The following CASR variants were observed in gnomAD, a reference collection of about 807,000 sequenced individuals.
CASR encodes calcium sensing receptor.
In CASR, 23 loss-of-function variants were observed where a neutral mutation model predicts 69.1. That is an observed-to-expected ratio of 0.33 (90% CI 0.24 to 0.47). The LOEUF (loss-of-function observed/expected upper bound fraction) is 0.47, where lower values mean the gene tolerates loss of function less well. Among genes scored for constraint, CASR ranks in the 20% least tolerant of loss-of-function variants. CASR has a pLI of 1.00. For synonymous variants in CASR, 541 were observed against 544.7 expected (o/e 0.99, Z 0.10); for missense variants, 924 against 1,356.1 (o/e 0.68, Z 5.00).
intron 3 of CASR, among the ~76,000 whole-genome samples, chr3:122,258,981 G>T (rs987704816): frequency 6.6e-6 from 1 of 152,040 alleles, no homozygotes; most frequent in Non-Finnish European, 1.5e-5. Context: ...TGCCAGCCAC[G>T]CCACCAAGTG....
intron 1 of CASR, among the ~76,000 whole-genome samples, chr3:122,220,057 A>G (rs1445034495): frequency 5.9e-5 from 9 of 152,218 alleles, no homozygotes; most frequent in Admixed American, 5.9e-4. Context: ...GTCTACTGCG[A>G]TGAGCGTGTG....
chr3:122,264,337 T>C (rs918003322), intron 4 of CASR, among the ~76,000 whole-genome samples: 2 of 152,224 alleles, frequency 1.3e-5, no homozygotes, highest in African/African-American at 4.8e-5. Flanking sequence ...AGCTTGAAGC[T>C]AGGATCTCCT....
rs771989281 is a variant in CASR, at chr3:122,261,808, T to C, written c.773T>C (p.Val258Ala). 6.2e-7 allele frequency: 1 copy of C among 1,614,140 alleles called. No homozygotes were observed. Among genetic ancestry groups the C allele is most frequent in the Non-Finnish European group, 8.5e-7 (1 of 1,180,010 alleles). Residue 258 changes from valine (V) to alanine (A), a missense_variant, in exon 4 of 7, where the codon GTG becomes GCG. Around this residue, in one of 8 missense-constraint regions of CASR, gnomAD observed 310 missense variants for 395.7 expected, o/e 0.78. Coordinates refer to ENST00000639785, the MANE Select transcript of CASR (RefSeq NM_000388.4). ...DEEEIQHVVEVIQNSTAKVIV... is the reference protein window; with the variant it reads ...DEEEIQHVVEAIQNSTAKVIV... ...GAAGAGATCCAGCATGTGGTAGAGG[T>C]GATTCAAAATTCCACGGCCAAAGTC... is the stretch of plus-strand genomic sequence containing the variant.
chr3:122,265,958 G>A (rs149118971), intron 4 of CASR, among the ~76,000 whole-genome samples: 1 of 152,264 alleles, frequency 6.6e-6, no homozygotes, highest in African/African-American at 2.4e-5. Flanking sequence ...AGGGAGATAA[G>A]AAAACATGGC....
chr3:122,207,702 G>C (rs1374661662), intron 1 of CASR, among the ~76,000 whole-genome samples: 1 of 152,052 alleles, frequency 6.6e-6, no homozygotes, highest in African/African-American at 2.4e-5. Context: ...TAGCAATAAA[G>C]ATGCTTATAT....
intron 4 of CASR, among the ~76,000 whole-genome samples, chr3:122,264,084 T>C (rs990213371): frequency 9.4e-5 from 13 of 138,792 alleles, no homozygotes; most frequent in Admixed American, 1.5e-4. Flanking sequence ...ATACAGATGG[T>C]CAAGACCAGA....
chr3:122,274,961 T>C (rs1233967320), intron 4 of CASR, among the ~76,000 whole-genome samples: 1 of 152,198 alleles, frequency 6.6e-6, no homozygotes, highest in Non-Finnish European at 1.5e-5. Flanking sequence ...AGCCCAGCGA[T>C]GCTGCAGTAG....
intron 1 of CASR, among the ~76,000 whole-genome samples, chr3:122,185,033 T>C (rs1224291624): frequency 6.6e-6 from 1 of 152,010 alleles, no homozygotes; most frequent in African/African-American, 2.4e-5. Context: ...TCAAATTAGA[T>C]TGTCAGTTCC....
Position 122,284,163 on chromosome 3 carries a change from G to A in CASR, c.2209G>A (p.Val737Ile), listed in dbSNP as rs200318708. The stretch of plus-strand genomic sequence containing the variant: ...TTTCCTCTGCACCTTCATGCAGATT[G>A]TCATCTGTGTGATCTGGCTCTACAC... Reference protein sequence around the residue: ...LVFLCTFMQIVICVIWLYTAP... With the variant: ...LVFLCTFMQIIICVIWLYTAP... The change falls in exon 7 of 7, where the codon GTC (valine) becomes ATC (isoleucine). Residue 737 changes from valine (V) to isoleucine (I), a missense_variant. Val to Ile is a conservative substitution (Grantham distance 29). Around this residue, in one of 8 missense-constraint regions of CASR, gnomAD observed 184 missense variants for 278.8 expected, o/e 0.66. Coordinates refer to ENST00000639785, the MANE Select transcript of CASR (RefSeq NM_000388.4). 4.3e-6 allele frequency: 7 copies of A among 1,613,376 alleles called. No homozygotes were observed. In the African/African-American group the frequency reaches 9.3e-5, roughly 22 times the overall value.
intron 4 of CASR, among the ~76,000 whole-genome samples, chr3:122,270,044 G>A (rs914431116): frequency 2.6e-5 from 4 of 152,064 alleles, no homozygotes; most frequent in Non-Finnish European, 4.4e-5. Context: ...GTTTCACCAT[G>A]TCGACCAGGC....
At chr3:122,221,431 G>A (rs557402518) in intron 1 of CASR, among the ~76,000 whole-genome samples, 190 of 152,304 alleles carry the variant, frequency 1.2e-3, no homozygotes, top group Middle Eastern at 0.01. Context: ...ATGGCTCACA[G>A]TGGGGCAGAG....
intron 4 of CASR, among the ~76,000 whole-genome samples, chr3:122,266,417 A>T (rs1299151944): frequency 6.7e-6 from 1 of 150,202 alleles, no homozygotes; most frequent in African/African-American, 2.5e-5. Flanking sequence ...CTATGTTCAG[A>T]TCTTTTTGTT....
intron 1 of CASR, among the ~76,000 whole-genome samples, chr3:122,249,891 A>T (rs1013850525): frequency 7.9e-5 from 12 of 152,192 alleles, no homozygotes; most frequent in Non-Finnish European, 1.5e-4. Context: ...TGTCAGGCAA[A>T]AGTCCAGGAA....
intron 1 of CASR, among the ~76,000 whole-genome samples, chr3:122,231,807 CT>C (rs2074281560): frequency 6.6e-6 from 1 of 151,960 alleles, no homozygotes; most frequent in Non-Finnish European, 1.5e-5. Flanking sequence ...ATTTTATAGC[CT>C]TTTTCACACT....
At chr3:122,194,910 G>T (rs2073873749) in intron 1 of CASR, among the ~76,000 whole-genome samples, 1 of 151,792 alleles carries the variant, frequency 6.6e-6, no homozygotes, top group Admixed American at 6.6e-5. Flanking sequence ...ACATTCATTT[G>T]GTCCGTACAC....
chr3:122,223,367 A>G (rs1324884764), intron 1 of CASR, among the ~76,000 whole-genome samples: 1 of 152,198 alleles, frequency 6.6e-6, no homozygotes, highest in Non-Finnish European at 1.5e-5. Context: ...CAAAAGTGAC[A>G]TTACAACCAA....
At chr3:122,220,648 T>C (rs1389702944) in intron 1 of CASR, among the ~76,000 whole-genome samples, 2 of 152,228 alleles carry the variant, frequency 1.3e-5, no homozygotes, top group Non-Finnish European at 2.9e-5. Flanking sequence ...CTGGGTCCTC[T>C]TCTTGGTGAT....
intron 1 of CASR, among the ~76,000 whole-genome samples, chr3:122,205,250 G>A (rs913929680): frequency 1.1e-4 from 16 of 152,052 alleles, no homozygotes; most frequent in Non-Finnish European, 1.9e-4. Context: ...TGATTTTGGT[G>A]TATGGTGAGA....
At chr3:122,240,640 G>A (rs974357652) in intron 1 of CASR, among the ~76,000 whole-genome samples, 2 of 152,126 alleles carry the variant, frequency 1.3e-5, no homozygotes, top group African/African-American at 4.8e-5. Flanking sequence ...CAGAAAGTCA[G>A]CAAAGAAACA....
Sources: gnomAD v4.1 joint callset for allele counts (sites outside exome capture counted in the v4.1 genomes callset) on GRCh38, gnomAD v4.1.1 for gene constraint, gnomAD v4.1.1 regional missense constraint, MANE v1.5 for transcripts, NCBI Gene and HGNC (gene_info 2026-07-23, HGNC 2026-07-21) for gene names.